PDE3B: variants seen among roughly 807,000 people sequenced by gnomAD.
The protein encoded by PDE3B is phosphodiesterase 3B, also known as cGMP-inhibited 3',5'-cyclic phosphodiesterase 3B.
PDE3B carries 66 observed loss-of-function variants against 116.8 expected under a neutral mutation model. The ratio of observed to expected loss-of-function variants is 0.56; its 90% CI spans 0.46 to 0.69. The LOEUF is 0.69. Ranked by LOEUF, PDE3B falls within the 30% of genes least tolerant of loss-of-function variation. The pLI, the probability that PDE3B is intolerant of heterozygous loss-of-function variation, is 0.00. For synonymous variants in PDE3B, 595 were observed against 533.6 expected, an observed-to-expected ratio of 1.12 and a Z score of -1.59; for missense variants, 1,384 against 1,368.1, an observed-to-expected ratio of 1.01 and a Z score of -0.18.
chr11:14,676,366 A>G (rs1004991469), intron 1 of PDE3B, among the ~76,000 whole-genome samples: 5 of 152,166 alleles, frequency 3.3e-5, no homozygotes, highest in Admixed American at 1.3e-4. Flanking sequence ...TGCTTCTAAG[A>G]TACAAACCTG....
chr11:14,788,231 AG>A (rs1858271182), intron 3 of PDE3B, among the ~76,000 whole-genome samples: 1 of 151,986 alleles, frequency 6.6e-6, no homozygotes, highest in Non-Finnish European at 1.5e-5. Context: ...AAAAGGGCAA[AG>A]GCATTTATTG....
intron 1 of PDE3B, among the ~76,000 whole-genome samples, chr11:14,769,984 A>G (rs1441715644): frequency 6.6e-6 from 1 of 151,330 alleles, no homozygotes; most frequent in Non-Finnish European, 1.5e-5. Context: ...ATGTTAAGAA[A>G]CCATCCTAAT....
intron 15 of PDE3B, 48 bp downstream of exon 15, chr11:14,867,806 A>C: frequency 6.7e-7 from 1 of 1,492,486 alleles, no homozygotes. Context: ...TAGGTTGAGT[A>C]TTCCAAGTCT....
rs1426068946 is a variant in PDE3B, at chr11:14,819,291, T to C, written c.1807+82T>C. On this transcript the variant is annotated intron_variant, in intron 7 of 15. Transcript: ENST00000282096. ...TTTAGAATGGGAAAATGAATGAGTT[T>C]AACTTCAGTTTATCCATCTTTAAAA... 8.9e-6 allele frequency: 7 copies of C among 787,404 alleles called. No individual in the cohort carries two copies. The East Asian group carries it at 1.7e-4, about 20-fold the overall frequency. The allele number at this position is 787,404 out of a possible 1,614,324, so 48.8% of individuals were successfully genotyped here.
At chr11:14,836,771 T>A (rs1211017443) in intron 11 of PDE3B, among the ~76,000 whole-genome samples, 1 of 152,224 alleles carries the variant, frequency 6.6e-6, no homozygotes, top group Non-Finnish European at 1.5e-5. Context: ...CCTTGCCTCC[T>A]CCAATTACAC....
chr11:14,841,529 C>T (rs1460320478), intron 11 of PDE3B, among the ~76,000 whole-genome samples: 1 of 149,612 alleles, frequency 6.7e-6, no homozygotes, highest in African/African-American at 2.5e-5. Flanking sequence ...AACTCCAGTT[C>T]TTATTCCGTG....
At chr11:14,841,317 ATCTC>A (rs373654647) in intron 11 of PDE3B, among the ~76,000 whole-genome samples, 2 of 148,608 alleles carry the variant, frequency 1.3e-5, no homozygotes, top group Non-Finnish European at 3.0e-5. Flanking sequence ...CTTAAAATAA[ATCTC>A]TCTCTCTCTC....
At chr11:14,780,397 T>C (rs1018098942) in intron 2 of PDE3B, among the ~76,000 whole-genome samples, 10 of 152,150 alleles carry the variant, frequency 6.6e-5, no homozygotes, top group African/African-American at 1.4e-4. Context: ...TATTCCAAAA[T>C]TGACCACATA....
intron 1 of PDE3B, among the ~76,000 whole-genome samples, chr11:14,767,795 A>G (rs571234384): frequency 1.1e-4 from 17 of 151,568 alleles, no homozygotes; most frequent in African/African-American, 3.9e-4. Flanking sequence ...TTCTGGGACA[A>G]TGAGGAACAA....
intron 4 of PDE3B, among the ~76,000 whole-genome samples, chr11:14,790,801 C>T (rs576942870): frequency 1.2e-4 from 18 of 152,166 alleles, no homozygotes; most frequent in Non-Finnish European, 2.4e-4. Flanking sequence ...TTTGCAGAAG[C>T]TGGAGCCTCT....
intron 4 of PDE3B, among the ~76,000 whole-genome samples, chr11:14,790,185 A>G (rs2133920053): frequency 6.6e-6 from 1 of 152,126 alleles, no homozygotes; most frequent in East Asian, 1.9e-4. Context: ...ATCTTGTATA[A>G]TATATTCAAG....
intron 1 of PDE3B, among the ~76,000 whole-genome samples, chr11:14,748,325 C>T (rs1005085830): frequency 6.6e-6 from 1 of 152,154 alleles, no homozygotes; most frequent in East Asian, 1.9e-4. Flanking sequence ...TGATTTGAGG[C>T]AGATGGCCTG....
chr11:14,659,567 T>C (rs570517888), intron 1 of PDE3B, among the ~76,000 whole-genome samples: 6 of 152,190 alleles, frequency 3.9e-5, no homozygotes, highest in African/African-American at 1.4e-4. Context: ...GGTAAACTTG[T>C]GTCATGGGAG....
At chr11:14,653,708 A>C (rs1402591921) in intron 1 of PDE3B, among the ~76,000 whole-genome samples, 11 of 152,196 alleles carry the variant, frequency 7.2e-5, no homozygotes, top group African/African-American at 2.4e-4. Context: ...GATTAAAAAA[A>C]CTGTCGCTGG....
chr11:14,789,362 A>G, intron 4 of PDE3B, 120 bp downstream of exon 4: 1 of 687,442 alleles, frequency 1.5e-6, no homozygotes. Flanking sequence ...TAGGTATAGG[A>G]CAACATGTGT....
the PDE3B span, chr11:14,892,272 A>G: frequency 4.1e-6 from 6 of 1,479,666 alleles, no homozygotes; most frequent in South Asian, 1.2e-5. Flanking sequence ...CAGCCCTGCC[A>G]TACTCCCATT....
chr11:14,769,676 TTA>T (rs1333592544), intron 1 of PDE3B, among the ~76,000 whole-genome samples: 2 of 147,782 alleles, frequency 1.4e-5, no homozygotes, highest in African/African-American at 4.9e-5. Context: ...TATACATATA[TTA>T]TATATATGTT....
intron 1 of PDE3B, among the ~76,000 whole-genome samples, chr11:14,767,857 A>G (rs1857539139): frequency 6.6e-6 from 1 of 151,316 alleles, no homozygotes; most frequent in African/African-American, 2.4e-5. Flanking sequence ...ATTCTATTAC[A>G]ATTTCCTAGT....
the PDE3B span, among the ~76,000 whole-genome samples, chr11:14,895,268 A>G: frequency 6.6e-6 from 1 of 152,240 alleles, no homozygotes; most frequent in Non-Finnish European, 1.5e-5. Context: ...GTTTCATCAG[A>G]ATTGAAGGAA....
Sources: allele counts gnomAD v4.1 joint callset (sites outside exome capture counted in the v4.1 genomes callset), GRCh38; gene constraint gnomAD v4.1.1; transcripts MANE v1.5; gene names NCBI Gene and HGNC (gene_info 2026-07-23, HGNC 2026-07-21).